HAAO: variants seen among roughly 807,000 people sequenced by gnomAD.
HAAO encodes 3-hydroxyanthranilate oxygenase.
A neutral mutation model predicts 46.2 loss-of-function variants in HAAO; 49 were observed. The ratio of observed to expected loss-of-function variants is 1.06; its 90% CI spans 0.84 to 1.34. HAAO has a LOEUF of 1.34. Among genes scored for constraint, HAAO ranks in the 40% most tolerant of loss-of-function variants. The pLI, the probability that HAAO is intolerant of heterozygous loss-of-function variation, is 0.00. For synonymous variants in HAAO, 157 were observed against 145.2 expected (o/e 1.08, Z -0.58); for missense variants, 408 against 364.5 (o/e 1.12, Z -0.97).
chr2:42,770,354 C>T (rs1671014497), intron 5 of HAAO, 139 bp downstream of exon 5: 3 of 867,506 alleles, frequency 3.5e-6, no homozygotes, highest in Non-Finnish European at 5.5e-6. Flanking sequence ...GGGGCTGCTG[C>T]TCCCCCCTCC....
chr2:42,768,875 C>T (rs541681702), intron 7 of HAAO, among the ~76,000 whole-genome samples: 1 of 152,324 alleles, frequency 6.6e-6, no homozygotes, highest in South Asian at 2.1e-4. Context: ...GTACCCCCAC[C>T]CCCAAGCCCC....
intron 1 of HAAO, among the ~76,000 whole-genome samples, chr2:42,789,843 C>G (rs1672657428): frequency 6.6e-6 from 1 of 152,246 alleles, no homozygotes; most frequent in South Asian, 2.1e-4. Flanking sequence ...TGCCCCATCC[C>G]CACAGCAGGG....
At chr2:42,774,802 CTGTT>C (rs1301917461) in intron 4 of HAAO, among the ~76,000 whole-genome samples, 2 of 150,020 alleles carry the variant, frequency 1.3e-5, no homozygotes, top group African/African-American at 2.5e-5. Context: ...GTTGTTGTTG[CTGTT>C]TGTTTCTGTT....
At chr2:42,782,947 G>C (rs1672119327) in intron 4 of HAAO, 2 of 450,374 alleles carry the variant, frequency 4.4e-6, no homozygotes, top group Admixed American at 5.4e-5. Context: ...AGGACCTCCT[G>C]AGGCTGTGTC....
At chr2:42,780,875 G>A (rs55868018) in intron 4 of HAAO, among the ~76,000 whole-genome samples, 52,519 of 144,060 alleles carry the variant, frequency 0.36, 10,571 homozygotes, top group African/African-American at 0.51. Context: ...AGACCATCCT[G>A]GCTAACATGG....
At position 42,768,240 on chromosome 2, in the gene HAAO, C is replaced by G. The variant is rs542398488; in HGVS notation, c.631-312G>C. Among the ~76,000 whole-genome samples, 3 of 152,368 alleles carry G rather than the reference C, an allele frequency of 2.0e-5. No individual in the cohort carries two copies. The South Asian group carries it at 6.2e-4, about 32-fold the overall frequency. ...ACCAGGGCACATGAGGGACGCATTT[C>G]CATCAGCTTCCCAGAGGGTGCCACC... On this transcript the variant is annotated intron_variant, in intron 7 of 9. Coordinates refer to ENST00000294973, the MANE Select transcript of HAAO (RefSeq NM_012205.3).
Position 42,783,398 on chromosome 2 carries a change from A to G in HAAO, c.266T>C (p.Val89Ala), listed in dbSNP as rs751343806. 1 of 1,611,862 alleles carries G rather than the reference A, an allele frequency of 6.2e-7. No homozygotes were observed. The highest frequency in any genetic ancestry group is 1.1e-5 in the South Asian group (1 of 90,850). The change falls in exon 4 of 10, where the codon GTG (valine) becomes GCG (alanine). Residue 89 changes from valine (V) to alanine (A), a missense_variant. Val to Ala is a moderately conservative substitution (Grantham distance 64). Transcript: ENST00000294973. ...GGCAAACCTCTGTGGTGAGTGGGGC[A>G]CCCTGGCAGGCAGGAGGAATATCTG... ...QGEIFLLPARVPHSPQRFANT... is the reference protein window; with the variant it reads ...QGEIFLLPARAPHSPQRFANT...
intron 2 of HAAO, among the ~76,000 whole-genome samples, chr2:42,786,768 G>A (rs1413117841): frequency 6.6e-6 from 1 of 152,204 alleles, no homozygotes; most frequent in Non-Finnish European, 1.5e-5. Context: ...GGGGAGCCGG[G>A]CCAGGGAGCT....
intron 4 of HAAO, among the ~76,000 whole-genome samples, chr2:42,774,595 G>C (rs1398853700): frequency 1.3e-5 from 2 of 152,134 alleles, no homozygotes; most frequent in Non-Finnish European, 2.9e-5. Context: ...ATCCAATAGG[G>C]AAAAGGAGGT....
chr2:42,767,177 G>T lies in HAAO; in HGVS notation c.*260C>A. On this transcript the variant is annotated 3_prime_UTR_variant, in exon 10 of 10. Transcript: ENST00000294973. ...AGGGACAGAGGAATGGGCAGGAGCG[G>T]GGCCGGGGGTAGACCACCTGGCAAG... 1.7e-6 allele frequency: 1 copy of T among 581,448 alleles called. No individual in the cohort carries two copies. The highest frequency in any genetic ancestry group is 3.1e-6 in the Non-Finnish European group (1 of 323,690). The allele number at this position is 581,448 out of a possible 1,614,324, so 36.0% of individuals were successfully genotyped here.
At chr2:42,770,108 G>A (rs754091154) in intron 6 of HAAO, 35 bp downstream of exon 6, 5 of 1,587,812 alleles carry the variant, frequency 3.1e-6, no homozygotes, top group Non-Finnish European at 4.3e-6. Flanking sequence ...GAAGGGGAGG[G>A]AGGGAAGGAG....
At chr2:42,784,133 G>T (rs1672218262) in intron 2 of HAAO, among the ~76,000 whole-genome samples, 1 of 152,158 alleles carries the variant, frequency 6.6e-6, no homozygotes, top group Non-Finnish European at 1.5e-5. Context: ...TGGCGGGCAG[G>T]AACTGGATGA....
chr2:42,786,190 C>T (rs948187233), intron 2 of HAAO, among the ~76,000 whole-genome samples: 3 of 152,120 alleles, frequency 2.0e-5, no homozygotes, highest in Admixed American at 6.5e-5. Context: ...GCAGGCTATA[C>T]GATATTGTCT....
chr2:42,767,390 G>C lies in HAAO; in HGVS notation c.*47C>G. 7.4e-7 allele frequency: 1 copy of C among 1,356,288 alleles called. No individual in the cohort carries two copies. Among genetic ancestry groups the C allele is most frequent in the Admixed American group, 1.7e-5 (1 of 57,620 alleles). 84.0% of individuals were successfully genotyped at this position (1,356,288 alleles called of 1,614,324 possible). A position where few individuals can be genotyped will look rare whatever the true frequency, so the allele number is the denominator to read the frequency against. ...GAGTTGTTTGGCAGGGATGGCACTC[G>C]AGGGTGCTTGGCACACCTGTGGCTG... On this transcript the variant is annotated 3_prime_UTR_variant, in exon 10 of 10. Transcript: ENST00000294973.
chr2:42,769,637 C>A, intron 7 of HAAO, 76 bp downstream of exon 7: 1 of 1,127,542 alleles, frequency 8.9e-7, no homozygotes. Context: ...GAGAGAGAGG[C>A]AGTGAGAGAG....
chr2:42,782,982 C>T (rs1672122275), intron 4 of HAAO: 1 of 430,844 alleles, frequency 2.3e-6, no homozygotes, highest in South Asian at 1.9e-5. Flanking sequence ...TCAACCTTGG[C>T]AAAACAAACT....
At chr2:42,783,612 G>C (rs1470483951) in intron 3 of HAAO, among the ~76,000 whole-genome samples, 172 bp downstream of exon 3, 1 of 152,158 alleles carries the variant, frequency 6.6e-6, no homozygotes. Flanking sequence ...GCTGAGGATG[G>C]GGCAGCCTGG....
intron 1 of HAAO, among the ~76,000 whole-genome samples, chr2:42,790,343 A>G (rs922707662): frequency 6.6e-6 from 1 of 151,848 alleles, no homozygotes; most frequent in Non-Finnish European, 1.5e-5. Flanking sequence ...TAGAGCTTCA[A>G]GGAGGGGAGG....
chr2:42,782,662 CAA>C (rs1378294461), intron 4 of HAAO: 1 of 166,094 alleles, frequency 6.0e-6, no homozygotes, highest in Non-Finnish European at 1.3e-5. Context: ...CCATTCGATG[CAA>C]AGTTACCCCT....
Sources: allele counts gnomAD v4.1 joint callset (sites outside exome capture counted in the v4.1 genomes callset), GRCh38; gene constraint gnomAD v4.1.1; transcripts MANE v1.5; gene names NCBI Gene and HGNC (gene_info 2026-07-23, HGNC 2026-07-21).